The following CASP4 variants were observed in gnomAD, a reference collection of about 807,000 sequenced individuals.
The protein encoded by CASP4 is caspase 4.
A neutral mutation model predicts 41.3 loss-of-function variants in CASP4; 29 were observed. That is an observed-to-expected ratio of 0.70 (90% CI 0.52 to 0.96). The LOEUF is 0.96. Among genes scored for constraint, CASP4 ranks in the 40% least tolerant of loss-of-function variants. CASP4 has a pLI of 0.00. For missense variants in CASP4, 447 were observed against 460.6 expected, an observed-to-expected ratio of 0.97 and a Z score of 0.27; for synonymous variants, 185 against 158.4, an observed-to-expected ratio of 1.17 and a Z score of -1.26.
intron 8 of CASP4, 35 bp downstream of exon 8, chr11:104,944,706 CTTATTTA>C (rs751356548): frequency 7.9e-7 from 1 of 1,264,750 alleles, no homozygotes; most frequent in East Asian, 2.3e-5. Flanking sequence ...ATATCACTCT[CTTATTTA>C]TTTCACATAC....
chr11:104,953,514 A>G (rs558380410), intron 2 of CASP4, among the ~76,000 whole-genome samples: 24 of 152,204 alleles, frequency 1.6e-4, no homozygotes, highest in African/African-American at 5.3e-4. Context: ...AAAACTAAAA[A>G]CCTGCAAAGG....
intron 1 of CASP4, among the ~76,000 whole-genome samples, chr11:104,966,590 A>C (rs1860980742): frequency 6.6e-6 from 1 of 152,160 alleles, no homozygotes; most frequent in Admixed American, 6.5e-5. Context: ...CCCCTGGAAA[A>C]CTAGGAGCTG....
chr11:104,948,394 A>G, intron 6 of CASP4, 139 bp downstream of exon 6: 1 of 824,074 alleles, frequency 1.2e-6, no homozygotes, highest in Non-Finnish European at 1.7e-6. Flanking sequence ...CTCACGGCAC[A>G]CATAAGATCA....
At chr11:104,952,032 G>C in intron 2 of CASP4, 27 bp from the exon 3 acceptor site, 1 of 1,430,392 alleles carries the variant, frequency 7.0e-7, no homozygotes, top group South Asian at 1.1e-5. Flanking sequence ...AACATAAATT[G>C]TGATTTCTGC....
intron 6 of CASP4, 200 bp from the exon 7 acceptor site, chr11:104,947,392 G>C (rs567395303): frequency 1.1e-5 from 4 of 367,400 alleles, no homozygotes; most frequent in African/African-American, 8.3e-5. Context: ...GTGATCAAAA[G>C]TTGCAGTTGG....
intron 1 of CASP4, among the ~76,000 whole-genome samples, chr11:104,965,189 G>T (rs889789848): frequency 2.6e-5 from 4 of 152,116 alleles, no homozygotes; most frequent in African/African-American, 9.7e-5. Flanking sequence ...ATTGAGAATT[G>T]TACTCCTCAT....
intron 1 of CASP4, among the ~76,000 whole-genome samples, chr11:104,958,598 C>G (rs1423932229): frequency 6.6e-6 from 1 of 151,888 alleles, no homozygotes; most frequent in Non-Finnish European, 1.5e-5. Flanking sequence ...TGGCTATTAC[C>G]AAAAAGACAA....
chr11:104,951,269 A>G (rs951777743), intron 3 of CASP4, 171 bp from the exon 4 acceptor site: 6 of 498,418 alleles, frequency 1.2e-5, no homozygotes, highest in South Asian at 3.9e-5. Flanking sequence ...AACCGGACAT[A>G]TCTGAAATTG....
Position 104,954,997 on chromosome 11 carries a change from G to A in CASP4, c.12C>T (p.Gly4=), listed in dbSNP as rs1425708334. 6.2e-7 allele frequency: 1 copy of A among 1,611,556 alleles called. No homozygotes were observed. Among genetic ancestry groups the A allele is most frequent in the Non-Finnish European group, 8.5e-7 (1 of 1,179,040 alleles). MAE[G]NHRKKPLKVL... is the part of the protein sequence containing the mutation. ...CCTTAAGTGGCTTTTTTCTGTGGTTGCCTTCTGTTAGAAATAGAAAGATTC... is the reference window on the plus strand; with the variant it reads ...CCTTAAGTGGCTTTTTTCTGTGGTTACCTTCTGTTAGAAATAGAAAGATTC... The change falls in exon 2 of 9, where the codon GGC becomes GGT. Residue 4 remains glycine (G), a synonymous_variant. Transcript: ENST00000444739.
chr11:104,948,378 T>C (rs564868136), intron 6 of CASP4, 155 bp downstream of exon 6: 1 of 640,150 alleles, frequency 1.6e-6, no homozygotes, highest in Admixed American at 3.9e-5. Context: ...GCTTTAGGAA[T>C]CTGTTCTCAC....
intron 1 of CASP4, chr11:104,956,512 G>A (rs981924451): frequency 2.3e-5 from 5 of 214,036 alleles, no homozygotes; most frequent in African/African-American, 9.4e-5. Context: ...AAAGAACACC[G>A]AGTATATAGT....
chr11:104,959,817 G>A (rs1005945355), intron 1 of CASP4, among the ~76,000 whole-genome samples: 7 of 151,976 alleles, frequency 4.6e-5, no homozygotes, highest in Non-Finnish European at 7.4e-5. Context: ...ACATTGCATC[G>A]ATTTTATTTG....
chr11:104,963,654 G>A (rs1432321895), intron 1 of CASP4, among the ~76,000 whole-genome samples: 2 of 152,202 alleles, frequency 1.3e-5, no homozygotes, highest in African/African-American at 4.8e-5. Context: ...TGGGCCACCT[G>A]GAAGATACGG....
At chr11:104,965,672 T>C (rs930011148) in intron 1 of CASP4, among the ~76,000 whole-genome samples, 5 of 152,194 alleles carry the variant, frequency 3.3e-5, no homozygotes, top group African/African-American at 1.2e-4. Flanking sequence ...AACAGCCTTT[T>C]CTCGAAAAGA....
At chr11:104,944,022 A>T (rs572899048) in intron 8 of CASP4, 1 of 152,332 alleles carries the variant, frequency 6.6e-6, no homozygotes, top group East Asian at 1.9e-4. Flanking sequence ...TACCCATTCT[A>T]TAATATTTTG....
chr11:104,950,778 C>T (rs1449697122), intron 4 of CASP4, 147 bp downstream of exon 4: 1 of 483,038 alleles, frequency 2.1e-6, no homozygotes, highest in Non-Finnish European at 3.5e-6. Flanking sequence ...ATTTACCAGT[C>T]TAGTACTCTT....
Position 104,951,039 on chromosome 11 carries a change from T to C in CASP4, c.432A>G (p.Thr144=). 6.2e-7 allele frequency: 1 copy of C among 1,613,514 alleles called. No individual in the cohort carries two copies. Among genetic ancestry groups the C allele is most frequent in the Admixed American group, 1.7e-5 (1 of 59,946 alleles). ...TCCTCGGAGGCAGATGGTCAAACTC[T>C]GTATTGCATATGATGAGAGCCAGGC... The part of the protein sequence containing the change: ...RTRLALIICN[T]EFDHLPPRNG... The change falls in exon 4 of 9, where the codon ACA becomes ACG. Residue 144 remains threonine, a synonymous_variant. Transcript: ENST00000444739.
intron 2 of CASP4, among the ~76,000 whole-genome samples, chr11:104,952,840 C>A (rs769054924): frequency 6.6e-6 from 1 of 152,160 alleles, no homozygotes; most frequent in Non-Finnish European, 1.5e-5. Context: ...GTATGAATAT[C>A]AAACCTTCTG....
At chr11:104,955,839 C>T (rs568827703) in intron 1 of CASP4, among the ~76,000 whole-genome samples, 1 of 152,078 alleles carries the variant, frequency 6.6e-6, no homozygotes, top group Non-Finnish European at 1.5e-5. Context: ...TATCAATTCT[C>T]AATCAATGCT....
Sources: allele counts gnomAD v4.1 joint callset (sites outside exome capture counted in the v4.1 genomes callset), GRCh38; gene constraint gnomAD v4.1.1; transcripts MANE v1.5; gene names NCBI Gene and HGNC (gene_info 2026-07-23, HGNC 2026-07-21).